CSMD1: variants seen among roughly 807,000 people sequenced by gnomAD.
CSMD1 encodes the protein CUB and sushi domain-containing protein 1.
In CSMD1, 213 loss-of-function variants were observed where a neutral mutation model predicts 417.5. The ratio of observed to expected loss-of-function variants is 0.51; its 90% CI spans 0.46 to 0.57. The LOEUF is 0.57. Among genes scored for constraint, CSMD1 ranks in the 20% least tolerant of loss-of-function variants. CSMD1 has a pLI of 0.00. For missense variants in CSMD1, 6,923 were observed against 4,529.7 expected (o/e 1.53, Z -15.17); for synonymous variants, 2,862 against 1,736.8 (o/e 1.65, Z -16.11).
At chr8:4,250,146 G>C (rs1802964455) in intron 3 of CSMD1, among the ~76,000 whole-genome samples, 1 of 152,112 alleles carries the variant, frequency 6.6e-6, no homozygotes, top group Admixed American at 6.5e-5. Flanking sequence ...TTCATTTTGA[G>C]CTTCTCAGCC....
intron 1 of CSMD1, among the ~76,000 whole-genome samples, chr8:4,739,037 T>C (rs180892641): frequency 1.3e-5 from 2 of 152,128 alleles, no homozygotes. Flanking sequence ...AGGAATGTAG[T>C]GTGAGTAACT....
intron 49 of CSMD1, among the ~76,000 whole-genome samples, chr8:3,083,639 TATATA>T (rs1814292993): frequency 3.1e-5 from 1 of 31,862 alleles, no homozygotes; most frequent in African/African-American, 1.2e-4. Context: ...TATATATATA[TATATA>T]TATATTTTTT....
At chr8:3,646,647 G>C (rs1258942044) in intron 7 of CSMD1, among the ~76,000 whole-genome samples, 2 of 152,174 alleles carry the variant, frequency 1.3e-5, no homozygotes, top group South Asian at 2.1e-4. Flanking sequence ...TCCTGCCAAA[G>C]CCGTGCTCAG....
intron 3 of CSMD1, among the ~76,000 whole-genome samples, chr8:4,339,025 C>G (rs1360976531): frequency 2.0e-5 from 3 of 152,024 alleles, no homozygotes; most frequent in Admixed American, 6.6e-5. Flanking sequence ...CTGTGAGGCT[C>G]AATTGCTGTA....
chr8:4,719,638 T>G (rs1400145799), intron 1 of CSMD1, among the ~76,000 whole-genome samples: 3 of 152,204 alleles, frequency 2.0e-5, no homozygotes, highest in Non-Finnish European at 2.9e-5. Context: ...TTTTCCTATT[T>G]TGTTCAAAAG....
intron 25 of CSMD1, among the ~76,000 whole-genome samples, chr8:3,306,361 A>T (rs973544142): frequency 6.6e-6 from 1 of 152,092 alleles, no homozygotes. Flanking sequence ...TTTAGTGGTG[A>T]TGGAGTTTTG....
At chr8:3,188,088 G>GTA (rs35871841) in intron 35 of CSMD1, 123 bp from the exon 36 acceptor site, 62,284 of 274,674 alleles carry the variant, frequency 0.23, 8,168 homozygotes, top group Non-Finnish European at 0.28. Flanking sequence ...ATATGTATAT[G>GTA]TATATATATA....
intron 3 of CSMD1, among the ~76,000 whole-genome samples, chr8:4,243,892 T>G (rs1482819728): frequency 4.6e-5 from 7 of 152,160 alleles, no homozygotes; most frequent in African/African-American, 1.7e-4. Flanking sequence ...TTTTCTCCCA[T>G]AAACACATTA....
chr8:3,427,294 A>C (rs1813910055), intron 12 of CSMD1, among the ~76,000 whole-genome samples: 1 of 152,228 alleles, frequency 6.6e-6, no homozygotes, highest in African/African-American at 2.4e-5. Context: ...AAAATGACAC[A>C]AATAAAATCA....
chr8:3,735,842 G>C (rs961296369), intron 6 of CSMD1, among the ~76,000 whole-genome samples: 1 of 152,110 alleles, frequency 6.6e-6, no homozygotes, highest in Admixed American at 6.5e-5. Flanking sequence ...AATATGCATT[G>C]ATTTCCTAAT....
chr8:3,463,987 C>T (rs918332076), intron 12 of CSMD1, among the ~76,000 whole-genome samples: 3 of 152,254 alleles, frequency 2.0e-5, no homozygotes, highest in Middle Eastern at 6.8e-3. Flanking sequence ...GAGACAATTC[C>T]GTTTCTTGTA....
chr8:3,335,952 T>G (rs982831025), intron 23 of CSMD1, among the ~76,000 whole-genome samples: 1 of 152,168 alleles, frequency 6.6e-6, no homozygotes, highest in African/African-American at 2.4e-5. Flanking sequence ...TACCCAGCGC[T>G]TGTAGATTTT....
At chr8:3,455,530 A>G (rs1816060122) in intron 12 of CSMD1, among the ~76,000 whole-genome samples, 2 of 152,316 alleles carry the variant, frequency 1.3e-5, no homozygotes, top group Middle Eastern at 3.4e-3. Context: ...TCCTTCTAAC[A>G]GTCAGGACCC....
At chr8:4,171,599 G>C (rs1327821150) in intron 3 of CSMD1, among the ~76,000 whole-genome samples, 2 of 151,346 alleles carry the variant, frequency 1.3e-5, no homozygotes, top group African/African-American at 4.9e-5. Flanking sequence ...AATTCCTTAG[G>C]GGACGGTCCC....
intron 5 of CSMD1, among the ~76,000 whole-genome samples, chr8:3,977,508 T>C (rs961508470): frequency 6.6e-6 from 1 of 152,206 alleles, no homozygotes; most frequent in Non-Finnish European, 1.5e-5. Context: ...CACAGGTAAT[T>C]TGCTTTGACA....
intron 2 of CSMD1, among the ~76,000 whole-genome samples, chr8:4,529,308 T>C (rs1394560014): frequency 1.3e-5 from 2 of 152,184 alleles, no homozygotes; most frequent in African/African-American, 2.4e-5. Context: ...CAACAGATTG[T>C]ATGCAAAAAA....
At chr8:4,776,249 G>T (rs1157830830) in intron 1 of CSMD1, among the ~76,000 whole-genome samples, 1 of 152,132 alleles carries the variant, frequency 6.6e-6, no homozygotes, top group African/African-American at 2.4e-5. Context: ...GAAACATGGA[G>T]TTCATTTCAA....
At chr8:4,766,783 G>C (rs1421027563) in intron 1 of CSMD1, among the ~76,000 whole-genome samples, 1 of 152,178 alleles carries the variant, frequency 6.6e-6, no homozygotes, top group Non-Finnish European at 1.5e-5. Flanking sequence ...CGCACAATGA[G>C]AGTTGGATTC....
At chr8:4,907,544 G>C (rs996132734) in intron 1 of CSMD1, among the ~76,000 whole-genome samples, 3 of 95,754 alleles carry the variant, frequency 3.1e-5, no homozygotes, top group South Asian at 2.8e-4. Flanking sequence ...TTTTTGGTTT[G>C]TGTTTCTTTT....
Sources: allele counts gnomAD v4.1 joint callset (sites outside exome capture counted in the v4.1 genomes callset), GRCh38; gene constraint gnomAD v4.1.1; transcripts MANE v1.5; gene names NCBI Gene and HGNC (gene_info 2026-07-23, HGNC 2026-07-21).